The following PAN3 variants were observed in gnomAD, a reference collection of about 807,000 sequenced individuals.
PAN3 encodes PAN2-PAN3 deadenylation complex subunit PAN3.
Under a neutral mutation model 96.2 loss-of-function variants are expected in PAN3, and 19 were observed. The ratio of observed to expected loss-of-function variants is 0.20; its 90% confidence interval spans 0.14 to 0.29. PAN3 has a LOEUF of 0.29. Ranked by LOEUF, PAN3 falls within the 10% of genes least tolerant of loss-of-function variation. The pLI, the probability that PAN3 is intolerant of heterozygous loss-of-function variation, is 1.00. For missense variants in PAN3, 882 were observed against 1,108.1 expected (o/e 0.80, Z 2.90); for synonymous variants, 433 against 406.6 (o/e 1.06, Z -0.78).
At chr13:28,177,423 G>A (rs1875164400) in intron 3 of PAN3, among the ~76,000 whole-genome samples, 1 of 152,092 alleles carries the variant, frequency 6.6e-6, no homozygotes, top group Non-Finnish European at 1.5e-5. Context: ...TGGTTTTAAA[G>A]CCTTGCTGAT....
chr13:28,292,563 A>G lies in PAN3; in HGVS notation c.*41A>G. On this transcript the variant is annotated 3_prime_UTR_variant, in exon 19 of 19. Transcript: ENST00000380958. ...CACGCAGGACATGGCTAAAGACCTTAACCAATAGCAAATTGCACTACAGCT... is the reference window on the plus strand; with the variant it reads ...CACGCAGGACATGGCTAAAGACCTTGACCAATAGCAAATTGCACTACAGCT... 1.3e-6 allele frequency: 2 copies of G among 1,554,018 alleles called. No individual in the cohort carries two copies. Among genetic ancestry groups the G allele is most frequent in the Non-Finnish European group, 8.7e-7 (1 of 1,150,658 alleles).
intron 1 of PAN3, among the ~76,000 whole-genome samples, chr13:28,170,315 A>G (rs888716431): frequency 6.6e-6 from 1 of 152,190 alleles, no homozygotes; most frequent in Non-Finnish European, 1.5e-5. Context: ...AAAGGTGGGA[A>G]CTTTATAAGA....
chr13:28,281,326 T>C lies in PAN3; in HGVS notation c.2331T>C (p.Asn777=). The change falls in exon 17 of 19, where the codon AAT becomes AAC. Residue 777 remains asparagine, a synonymous_variant. Coordinates refer to ENST00000380958, the MANE Select transcript of PAN3 (RefSeq NM_175854.8). Reference sequence around the variant, plus strand: ...AAAATGTTTTATAGGAGGTTCAAAATGGAAGACTGTTTAGGCTCCTAGCAA... The same window carrying C: ...AAAATGTTTTATAGGAGGTTCAAAACGGAAGACTGTTTAGGCTCCTAGCAA... ...IEEDLAKEVQ[N]GRLFRLLAKL... The C allele has an allele frequency of 6.2e-7, 1 of 1,611,422 alleles. No homozygotes were observed. The highest frequency in any genetic ancestry group is 8.5e-7 in the Non-Finnish European group (1 of 1,178,038).
At chr13:28,201,867 A>G (rs1006612171) in intron 5 of PAN3, among the ~76,000 whole-genome samples, 1 of 152,144 alleles carries the variant, frequency 6.6e-6, no homozygotes, top group African/African-American at 2.4e-5. Flanking sequence ...ATACCTTTGC[A>G]TGTGGGTAAA....
At chr13:28,215,958 C>T (rs1323697115) in intron 5 of PAN3, 13 of 961,136 alleles carry the variant, frequency 1.4e-5, no homozygotes, top group Admixed American at 1.8e-5. Context: ...GGTCTCAGGA[C>T]TGTTAGTTTC....
intron 5 of PAN3, among the ~76,000 whole-genome samples, chr13:28,213,832 A>G (rs559757603): frequency 5.5e-4 from 84 of 152,202 alleles, no homozygotes; most frequent in Middle Eastern, 3.2e-3. Context: ...AAGATATAAA[A>G]TGGCAAATAA....
At chr13:28,215,356 C>T in intron 5 of PAN3, 1 of 751,634 alleles carries the variant, frequency 1.3e-6, no homozygotes, top group Non-Finnish European at 2.5e-6. Flanking sequence ...GTCACCTTTG[C>T]TCCAGTCAAC....
intron 4 of PAN3, among the ~76,000 whole-genome samples, chr13:28,189,012 G>A (rs984836639): frequency 1.3e-5 from 2 of 152,178 alleles, no homozygotes; most frequent in African/African-American, 4.8e-5. Context: ...ATACTGAAAT[G>A]TTGAGTAAAT....
intron 3 of PAN3, 32 bp from the exon 4 acceptor site, chr13:28,177,833 A>G: frequency 6.4e-7 from 1 of 1,567,956 alleles, no homozygotes; most frequent in Non-Finnish European, 8.8e-7. Context: ...CCCAAGTTTT[A>G]TGTGTGGAAA....
At chr13:28,215,898 A>G (rs1490814965) in intron 5 of PAN3, 9 of 1,301,562 alleles carry the variant, frequency 6.9e-6, no homozygotes, top group Middle Eastern at 2.6e-4. Context: ...GGCTAAATGA[A>G]TATTATCCCT....
At chr13:28,273,103 A>G (rs1046294037) in intron 14 of PAN3, among the ~76,000 whole-genome samples, 1 of 152,114 alleles carries the variant, frequency 6.6e-6, no homozygotes, top group African/African-American at 2.4e-5. Context: ...TTGTTATTGG[A>G]TTGCCATTTT....
At position 28,284,155 on chromosome 13, in the gene PAN3, T is replaced by C. The variant is rs554523613; in HGVS notation, c.2384+2776T>C. ...GTGAGACTGCCTCACCAAAATACTT[T>C]TTTCAAACTCTTAGATTTTTGTCAA... is the stretch of plus-strand genomic sequence containing the variant. On this transcript the variant is annotated intron_variant, in intron 17 of 18. Transcript: ENST00000380958. Among the ~76,000 whole-genome samples the C allele has an allele frequency of 1.1e-4, 17 of 152,354 alleles. 1 individual carries two copies. The East Asian group carries it at 3.3e-3, about 29-fold the overall frequency.
At chr13:28,192,698 C>T (rs995726763) in intron 4 of PAN3, among the ~76,000 whole-genome samples, 3 of 152,260 alleles carry the variant, frequency 2.0e-5, no homozygotes, top group East Asian at 1.9e-4. Flanking sequence ...AATCTGTCTT[C>T]GAGCGTAAGG....
At chr13:28,208,845 CGAT>C (rs1415547428) in intron 5 of PAN3, among the ~76,000 whole-genome samples, 1 of 151,974 alleles carries the variant, frequency 6.6e-6, no homozygotes, top group African/African-American at 2.4e-5. Context: ...TTCCATTCAG[CGAT>C]GATATGCAAA....
intron 17 of PAN3, among the ~76,000 whole-genome samples, chr13:28,287,690 T>C (rs1437414420): frequency 1.3e-5 from 2 of 152,228 alleles, no homozygotes; most frequent in Non-Finnish European, 2.9e-5. Context: ...AGAGAAGATA[T>C]TTAAAGATAT....
At chr13:28,288,774 C>T (rs534836809) in intron 18 of PAN3, among the ~76,000 whole-genome samples, 1 of 151,474 alleles carries the variant, frequency 6.6e-6, no homozygotes, top group Non-Finnish European at 1.5e-5. Context: ...AATTGAACCC[C>T]TTCCGAATCA....
chr13:28,214,290 T>C (rs1379408529), intron 5 of PAN3, among the ~76,000 whole-genome samples: 1 of 152,230 alleles, frequency 6.6e-6, no homozygotes, highest in East Asian at 1.9e-4. Context: ...GCAGCTTTAT[T>C]TGTAATAGCC....
At chr13:28,272,269 CTCT>C in intron 14 of PAN3, 198 bp downstream of exon 14, 1 of 394,380 alleles carries the variant, frequency 2.5e-6, no homozygotes, top group South Asian at 4.6e-5. Flanking sequence ...TTCTTTCTCT[CTCT>C]TTTCCTTTCT....
At position 28,174,338 on chromosome 13, in the gene PAN3, T is replaced by G. The variant is rs1186962331; in HGVS notation, c.497T>G (p.Phe166Cys). The G allele has an allele frequency of 6.2e-7, 1 of 1,612,452 alleles. No individual in the cohort carries two copies. Among genetic ancestry groups the G allele is most frequent in the African/African-American group, 1.3e-5 (1 of 74,886 alleles). ...SLTDSYFSTSFIGVNGFGSPV... is the reference protein window; with the variant it reads ...SLTDSYFSTSCIGVNGFGSPV... Reference sequence around the variant, plus strand: ...ACAGATTCCTATTTTAGCACCAGCTTTATTGGAGTCAATGGATTTGGAAGC... The same window carrying G: ...ACAGATTCCTATTTTAGCACCAGCTGTATTGGAGTCAATGGATTTGGAAGC... The change falls in exon 2 of 19, where the codon TTT becomes TGT. Residue 166 changes from phenylalanine (F) to cysteine (C), a missense_variant. Phe to Cys is a radical substitution (Grantham distance 205). Coordinates refer to ENST00000380958, the MANE Select transcript of PAN3 (RefSeq NM_175854.8).
Sources: allele counts gnomAD v4.1 joint callset (sites outside exome capture counted in the v4.1 genomes callset), GRCh38; gene constraint gnomAD v4.1.1; transcripts MANE v1.5; gene names NCBI Gene and HGNC (gene_info 2026-07-23, HGNC 2026-07-21).